Variants in GALNTL6 observed in about 807,000 individuals in gnomAD.
GALNTL6 encodes the protein polypeptide N-acetylgalactosaminyltransferase like 6.
A neutral mutation model predicts 73.7 loss-of-function variants in GALNTL6; 46 were observed. That is an observed-to-expected ratio of 0.62 (90% CI 0.49 to 0.80). GALNTL6 has a LOEUF of 0.80. Among genes scored for constraint, GALNTL6 ranks in the 30% least tolerant of loss-of-function variants. The pLI, the probability that GALNTL6 is intolerant of heterozygous loss-of-function variation, is 0.00. For missense variants in GALNTL6, 604 were observed against 755.0 expected (o/e 0.80, Z 2.34); for synonymous variants, 259 against 263.7 (o/e 0.98, Z 0.17).
At chr4:172,988,209 T>A (rs929642239) in intron 10 of GALNTL6, among the ~76,000 whole-genome samples, 2 of 152,122 alleles carry the variant, frequency 1.3e-5, no homozygotes, top group Non-Finnish European at 1.5e-5. Context: ...CAGGCTGAGG[T>A]GGTCTCAGAT....
intron 5 of GALNTL6, among the ~76,000 whole-genome samples, chr4:172,557,873 A>G (rs1320137958): frequency 2.0e-5 from 3 of 152,134 alleles, no homozygotes; most frequent in African/African-American, 7.2e-5. Flanking sequence ...TCTACCTATG[A>G]CCCAGAAAAT....
chr4:173,009,292 C>G lies in GALNTL6; in HGVS notation c.1486C>G (p.Gln496Glu). Residue 496 changes from glutamine to glutamate, a missense_variant and splice_region_variant, in exon 11 of 13, where the codon CAG (glutamine) becomes GAG (glutamate). By Grantham distance (29) the Gln-to-Glu change is conservative. Transcript: ENST00000506823. ...TTCTGAAAGAACATGGTCTCATGAACAGGTGAGTCACCTCCCAGAAGCCAG... is the reference window on the plus strand; with the variant it reads ...TTCTGAAAGAACATGGTCTCATGAAGAGGTGAGTCACCTCCCAGAAGCCAG... ...DGSERTWSHEQLFTFGWREDI... is the reference protein window; with the variant it reads ...DGSERTWSHEELFTFGWREDI... 1.3e-6 allele frequency: 2 copies of G among 1,595,548 alleles called. No homozygotes were observed. The highest frequency in any genetic ancestry group is 2.2e-5 in the South Asian group (2 of 90,686).
chr4:172,872,667 C>T (rs1434874937), intron 7 of GALNTL6, among the ~76,000 whole-genome samples: 1 of 152,182 alleles, frequency 6.6e-6, no homozygotes, highest in African/African-American at 2.4e-5. Context: ...TCCCAGATTA[C>T]TTTTGGAGTC....
intron 5 of GALNTL6, among the ~76,000 whole-genome samples, chr4:172,480,563 C>T (rs553088078): frequency 2.7e-4 from 41 of 152,246 alleles, no homozygotes; most frequent in African/African-American, 9.4e-4. Context: ...GAAATAGAAA[C>T]CTCATTCTAA....
At chr4:172,992,350 A>C (rs1219524484) in intron 10 of GALNTL6, among the ~76,000 whole-genome samples, 1 of 152,258 alleles carries the variant, frequency 6.6e-6, no homozygotes, top group East Asian at 1.9e-4. Context: ...TAGTAAATAC[A>C]GTATCTGAAC....
At chr4:172,217,317 G>A (rs997063699) in intron 2 of GALNTL6, among the ~76,000 whole-genome samples, 1 of 152,128 alleles carries the variant, frequency 6.6e-6, no homozygotes, top group African/African-American at 2.4e-5. Context: ...TGTTACGCAG[G>A]AGTCACATTG....
At chr4:172,854,707 A>G (rs150405478) in intron 7 of GALNTL6, among the ~76,000 whole-genome samples, 178 of 152,262 alleles carry the variant, frequency 1.2e-3, no homozygotes, top group African/African-American at 4.1e-3. Flanking sequence ...CTTCTATGAA[A>G]ATGTTCCTGA....
chr4:172,408,790 C>T (rs1744328261), intron 5 of GALNTL6, among the ~76,000 whole-genome samples: 1 of 152,046 alleles, frequency 6.6e-6, no homozygotes. Context: ...GACTTGCTGA[C>T]ACTGGCTCTA....
intron 3 of GALNTL6, among the ~76,000 whole-genome samples, chr4:172,279,914 C>T (rs1171571455): frequency 6.6e-6 from 1 of 152,160 alleles, no homozygotes; most frequent in Non-Finnish European, 1.5e-5. Flanking sequence ...AACCCACGTC[C>T]TGTCACATGC....
intron 5 of GALNTL6, among the ~76,000 whole-genome samples, chr4:172,413,587 T>G (rs1338629650): frequency 6.6e-6 from 1 of 152,050 alleles, no homozygotes; most frequent in East Asian, 1.9e-4. Context: ...GCTTTTATGA[T>G]GACCAAAATT....
chr4:172,361,754 G>A (rs969988715), intron 5 of GALNTL6, among the ~76,000 whole-genome samples: 1 of 152,160 alleles, frequency 6.6e-6, no homozygotes, highest in African/African-American at 2.4e-5. Flanking sequence ...AATAACCAAT[G>A]ACACAATTTA....
At chr4:172,028,124 C>T (rs1741648193) in intron 2 of GALNTL6, among the ~76,000 whole-genome samples, 2 of 151,936 alleles carry the variant, frequency 1.3e-5, no homozygotes, top group Non-Finnish European at 2.9e-5. Context: ...CTAGGATTTT[C>T]ACAGCTAGCA....
chr4:172,473,944 C>A (rs1253211071), intron 5 of GALNTL6, among the ~76,000 whole-genome samples: 1 of 152,200 alleles, frequency 6.6e-6, no homozygotes, highest in Non-Finnish European at 1.5e-5. Flanking sequence ...AAAGCTGGAT[C>A]ATGCCACTGC....
chr4:172,609,694 T>C (rs1300274329), intron 5 of GALNTL6, among the ~76,000 whole-genome samples: 1 of 144,656 alleles, frequency 6.9e-6, no homozygotes. Context: ...CAGGATATGA[T>C]GCTGGCCTCA....
intron 2 of GALNTL6, among the ~76,000 whole-genome samples, chr4:171,984,267 T>C (rs1169199413): frequency 6.6e-6 from 1 of 151,776 alleles, no homozygotes; most frequent in Non-Finnish European, 1.5e-5. Context: ...AAAGGAGAGG[T>C]CTGGTATTTC....
intron 3 of GALNTL6, among the ~76,000 whole-genome samples, chr4:172,250,269 T>C (rs1227542708): frequency 1.3e-5 from 2 of 152,174 alleles, no homozygotes; most frequent in African/African-American, 4.8e-5. Context: ...CCCCAATGGC[T>C]GTATCCCCAT....
intron 2 of GALNTL6, among the ~76,000 whole-genome samples, chr4:171,931,602 G>A (rs1420386198): frequency 6.6e-6 from 1 of 152,150 alleles, no homozygotes. Flanking sequence ...TTGCAGATTA[G>A]TATTAAAACC....
intron 10 of GALNTL6, among the ~76,000 whole-genome samples, chr4:172,956,162 GAT>G (rs1367018908): frequency 2.6e-5 from 4 of 152,120 alleles, no homozygotes; most frequent in Admixed American, 6.5e-5. Context: ...GATAATGCGC[GAT>G]GTTTCTCAGG....
chr4:172,324,713 A>C (rs1459556310), intron 4 of GALNTL6, among the ~76,000 whole-genome samples: 1 of 151,096 alleles, frequency 6.6e-6, no homozygotes, highest in Admixed American at 6.6e-5. Flanking sequence ...ATTTCAGTGG[A>C]TTGAAGTAAT....
Sources: gnomAD v4.1 joint callset for allele counts (sites outside exome capture counted in the v4.1 genomes callset) on GRCh38, gnomAD v4.1.1 for gene constraint, MANE v1.5 for transcripts, NCBI Gene and HGNC (gene_info 2026-07-23, HGNC 2026-07-21) for gene names.